PTK2B: variants seen among roughly 807,000 people sequenced by gnomAD.
PTK2B encodes the protein protein-tyrosine kinase 2-beta.
Under a neutral mutation model 142.9 loss-of-function variants are expected in PTK2B, and 71 were observed. The observed-to-expected ratio is 0.50, with a 90% confidence interval of 0.41 to 0.61. The LOEUF is 0.61. PTK2B is among the 20% of genes least tolerant of loss of function. The probability of loss-of-function intolerance (pLI) is 0.00; values close to 1 mark genes in which losing one functional copy is unlikely to be tolerated. For synonymous variants in PTK2B, 519 were observed against 503.4 expected (o/e 1.03, Z -0.42); for missense variants, 1,105 against 1,320.4 (o/e 0.84, Z 2.53).
Position 27,435,736 on chromosome 8 carries a change from G to A in PTK2B, c.1193-7G>A. On this transcript the variant is annotated splice_polypyrimidine_tract_variant and splice_region_variant and intron_variant, in intron 13 of 30. Coordinates refer to ENST00000346049, the MANE Select transcript of PTK2B (RefSeq NM_173176.3). Reference sequence around the variant, plus strand: ...GTCCACGGCTGAGCCTCTTCCTGTTGTTCCAGAGTCAGACATCTACGCAGA... The same window carrying A: ...GTCCACGGCTGAGCCTCTTCCTGTTATTCCAGAGTCAGACATCTACGCAGA... 3.1e-6 allele frequency: 5 copies of A among 1,614,138 alleles called. No homozygotes were observed. The South Asian group carries it at 3.3e-5, about 11-fold the overall frequency.
chr8:27,311,765 T>A (rs953576796), intron 1 of PTK2B: 3 of 154,156 alleles, frequency 1.9e-5, no homozygotes, highest in African/African-American at 7.2e-5. Flanking sequence ...TATGCCACTC[T>A]TGCATTAGTC....
chr8:27,414,791 C>G (rs1014371641), intron 2 of PTK2B, among the ~76,000 whole-genome samples: 2 of 151,956 alleles, frequency 1.3e-5, no homozygotes, highest in Non-Finnish European at 1.5e-5. Flanking sequence ...CTCACTCCCC[C>G]CTTTGGTTAC....
chr8:27,401,343 G>C (rs554859678), intron 2 of PTK2B, among the ~76,000 whole-genome samples: 1 of 152,328 alleles, frequency 6.6e-6, no homozygotes, highest in Non-Finnish European at 1.5e-5. Context: ...GGTAGTGTCA[G>C]ATGCTCAGAA....
chr8:27,412,668 A>C (rs1354599306), intron 2 of PTK2B, among the ~76,000 whole-genome samples: 1 of 152,148 alleles, frequency 6.6e-6, no homozygotes, highest in Non-Finnish European at 1.5e-5. Flanking sequence ...TGAAGCTGAA[A>C]TCTATCTTCC....
intron 5 of PTK2B, among the ~76,000 whole-genome samples, chr8:27,425,339 A>G (rs975466428): frequency 3.5e-4 from 53 of 152,276 alleles, no homozygotes; most frequent in African/African-American, 1.1e-3. Flanking sequence ...ATGAGTTAAT[A>G]TATTTAAAGT....
At chr8:27,451,890 G>T in intron 27 of PTK2B, 1 of 535,814 alleles carries the variant, frequency 1.9e-6, no homozygotes, top group Non-Finnish European at 2.5e-6. Flanking sequence ...TCTTCTGTAG[G>T]CCTGAGGGAC....
intron 1 of PTK2B, among the ~76,000 whole-genome samples, chr8:27,330,508 G>A (rs2130824048): frequency 6.6e-6 from 1 of 152,280 alleles, no homozygotes; most frequent in African/African-American, 2.4e-5. Flanking sequence ...CGAATGCCCA[G>A]CCGGCACTGA....
At chr8:27,362,155 C>T (rs1250650084) in intron 1 of PTK2B, among the ~76,000 whole-genome samples, 1 of 152,192 alleles carries the variant, frequency 6.6e-6, no homozygotes, top group East Asian at 1.9e-4. Flanking sequence ...TGTCATTTTG[C>T]TGACCCAGTT....
intron 10 of PTK2B, among the ~76,000 whole-genome samples, chr8:27,432,861 C>CT (rs747126296): frequency 6.6e-6 from 1 of 152,212 alleles, no homozygotes; most frequent in East Asian, 1.9e-4. Flanking sequence ...AAGTCTCACT[C>CT]TGTCACCCAG....
chr8:27,316,303 T>C (rs1203423881), intron 3 of PTK2B, among the ~76,000 whole-genome samples: 1 of 152,024 alleles, frequency 6.6e-6, no homozygotes, highest in Middle Eastern at 3.2e-3. Context: ...GTTTTTTTTT[T>C]TTTCTGAAAC....
chr8:27,314,451 G>C (rs1483712030), intron 3 of PTK2B, among the ~76,000 whole-genome samples: 2 of 152,220 alleles, frequency 1.3e-5, no homozygotes, highest in Non-Finnish European at 2.9e-5. Flanking sequence ...GTGGTGGTGT[G>C]CGCCTATAGC....
At chr8:27,388,744 A>C (rs905615473) in intron 1 of PTK2B, among the ~76,000 whole-genome samples, 1 of 152,194 alleles carries the variant, frequency 6.6e-6, no homozygotes, top group Non-Finnish European at 1.5e-5. Flanking sequence ...AAGTGCTACA[A>C]ATCAAGGCAT....
At chr8:27,458,159 C>T (rs1586377269) in intron 30 of PTK2B, 135 bp from the exon 31 acceptor site, 1 of 838,638 alleles carries the variant, frequency 1.2e-6, no homozygotes, top group Non-Finnish European at 1.9e-6. Context: ...ATTCAGCCCT[C>T]TCCTAGGTCT....
At chr8:27,382,048 C>T (rs1807059259) in intron 1 of PTK2B, among the ~76,000 whole-genome samples, 1 of 152,148 alleles carries the variant, frequency 6.6e-6, no homozygotes, top group Admixed American at 6.5e-5. Flanking sequence ...CTCCTGGGTT[C>T]CAATGATTCT....
chr8:27,444,393 G>A, intron 23 of PTK2B, 122 bp downstream of exon 23: 2 of 1,102,022 alleles, frequency 1.8e-6, no homozygotes, highest in Non-Finnish European at 2.7e-6. Flanking sequence ...GGCCTAGGTT[G>A]ACTCTTCTTT....
At chr8:27,431,499 C>G in intron 9 of PTK2B, 27 bp downstream of exon 9, 1 of 1,613,024 alleles carries the variant, frequency 6.2e-7, no homozygotes, top group Admixed American at 1.7e-5. Context: ...CAGCCCCACC[C>G]AGCCCCAGGC....
At chr8:27,334,780 A>G (rs535782048) in intron 1 of PTK2B, among the ~76,000 whole-genome samples, 1 of 152,284 alleles carries the variant, frequency 6.6e-6, no homozygotes, top group Admixed American at 6.5e-5. Context: ...CAACTAGAAT[A>G]GGGGCCACAT....
At chr8:27,345,840 G>A (rs1452966804) in intron 1 of PTK2B, among the ~76,000 whole-genome samples, 3 of 152,180 alleles carry the variant, frequency 2.0e-5, no homozygotes, top group African/African-American at 2.4e-5. Context: ...AGCTGCCATG[G>A]AGGAAACCAG....
chr8:27,367,183 A>G (rs774866347), intron 1 of PTK2B, among the ~76,000 whole-genome samples: 3 of 152,240 alleles, frequency 2.0e-5, no homozygotes, highest in Non-Finnish European at 4.4e-5. Flanking sequence ...TGCCACACAC[A>G]CACTGACTAC....
Sources: gnomAD v4.1 joint callset for allele counts (sites outside exome capture counted in the v4.1 genomes callset) on GRCh38, gnomAD v4.1.1 for gene constraint, MANE v1.5 for transcripts, NCBI Gene and HGNC (gene_info 2026-07-23, HGNC 2026-07-21) for gene names.